The following CSGALNACT1 variants were observed in gnomAD, a reference collection of about 807,000 sequenced individuals.
CSGALNACT1 encodes the protein beta4GalNAcT-1.
A neutral mutation model predicts 51.0 loss-of-function variants in CSGALNACT1; 52 were observed. That is an observed-to-expected ratio of 1.02 (90% CI 0.82 to 1.29). The LOEUF (loss-of-function observed/expected upper bound fraction) is 1.29, where lower values mean the gene tolerates loss of function less well. CSGALNACT1 is among the 50% of genes most tolerant of loss of function. The probability of loss-of-function intolerance (pLI) is 0.00; values close to 1 mark genes in which losing one functional copy is unlikely to be tolerated. For missense variants in CSGALNACT1, 935 were observed against 679.2 expected (o/e 1.38, Z -4.19); for synonymous variants, 341 against 254.4 (o/e 1.34, Z -3.24).
At chr8:19,431,405 T>G (rs1174766816) in intron 6 of CSGALNACT1, among the ~76,000 whole-genome samples, 3 of 152,164 alleles carry the variant, frequency 2.0e-5, no homozygotes, top group Non-Finnish European at 2.9e-5. Flanking sequence ...ATGCTTTTCC[T>G]ATGCATATTG....
chr8:19,430,112 C>A (rs1263632592), intron 6 of CSGALNACT1, among the ~76,000 whole-genome samples: 1 of 151,986 alleles, frequency 6.6e-6, no homozygotes, highest in African/African-American at 2.4e-5. Flanking sequence ...GAATATAGAC[C>A]CTTATCAGAT....
intron 3 of CSGALNACT1, among the ~76,000 whole-genome samples, chr8:19,510,846 A>T (rs1476760292): frequency 6.6e-6 from 1 of 152,240 alleles, no homozygotes; most frequent in East Asian, 1.9e-4. Flanking sequence ...AGGTAAAACA[A>T]AGGCAGGTCA....
chr8:19,457,068 G>C (rs1201920726), intron 5 of CSGALNACT1, among the ~76,000 whole-genome samples: 1 of 152,170 alleles, frequency 6.6e-6, no homozygotes, highest in Non-Finnish European at 1.5e-5. Context: ...TAGTAATGTA[G>C]GCAGCTTCCT....
intron 1 of CSGALNACT1, among the ~76,000 whole-genome samples, chr8:19,694,579 T>C (rs2061492943): frequency 6.6e-6 from 1 of 152,256 alleles, no homozygotes; most frequent in Non-Finnish European, 1.5e-5. Flanking sequence ...ACTATATTTA[T>C]AGGTGTTGCA....
chr8:19,501,511 T>C (rs1431305707), intron 4 of CSGALNACT1, among the ~76,000 whole-genome samples: 2 of 152,100 alleles, frequency 1.3e-5, no homozygotes, highest in African/African-American at 2.4e-5. Flanking sequence ...AAATCAAGCC[T>C]TTTGCATCTG....
chr8:19,665,368 A>G (rs562037283), intron 1 of CSGALNACT1, among the ~76,000 whole-genome samples: 126 of 152,348 alleles, frequency 8.3e-4, no homozygotes, highest in African/African-American at 2.9e-3. Flanking sequence ...TGGGCTTCCA[A>G]CACAGTATTT....
chr8:19,735,277 A>T (rs374307798), intron 1 of CSGALNACT1, among the ~76,000 whole-genome samples: 8 of 152,212 alleles, frequency 5.3e-5, no homozygotes, highest in Admixed American at 3.3e-4. Context: ...TGAAATTGGC[A>T]CTCTGGGGCC....
rs76749079 is a variant in CSGALNACT1 at position 19,622,996 on chromosome 8, G to A, written c.-543-21131C>T. ...GTTGATAGGTACTGCAAACCACCCT[G>A]GCACATGTATACGTAGGTAACAAAC... On this transcript the variant is annotated intron_variant, in intron 1 of 9. Coordinates refer to the CSGALNACT1 transcript ENST00000332246. Among the ~76,000 whole-genome samples, 4 of 152,218 alleles carry A rather than the reference G, an allele frequency of 2.6e-5. No homozygotes were observed. The East Asian group carries it at 7.7e-4, about 29-fold the overall frequency.
At chr8:19,595,592 T>G (rs1012200686) in intron 2 of CSGALNACT1, among the ~76,000 whole-genome samples, 1 of 152,108 alleles carries the variant, frequency 6.6e-6, no homozygotes, top group Admixed American at 6.5e-5. Flanking sequence ...TCTGGGGGAC[T>G]TGACTATATG....
At chr8:19,405,425 T>G (rs1415772183) in exon 10 of CSGALNACT1, 5 of 475,576 alleles carry the variant, frequency 1.1e-5, no homozygotes, top group Non-Finnish European at 2.1e-5. Flanking sequence ...TGCTAATGAA[T>G]TTTTTACAAA....
chr8:19,418,869 G>C (rs1240701968), intron 7 of CSGALNACT1, 119 bp from the exon 7 acceptor site: 2 of 733,958 alleles, frequency 2.7e-6, no homozygotes, highest in Admixed American at 2.0e-5. Context: ...TTTTCTTTGA[G>C]AGGCAGTCTC....
intron 8 of CSGALNACT1, among the ~76,000 whole-genome samples, chr8:19,414,600 C>CAG (rs2056520301): frequency 6.6e-6 from 1 of 151,750 alleles, no homozygotes; most frequent in Admixed American, 6.6e-5. Context: ...CACATACACA[C>CAG]ACACACACAC....
chr8:19,590,680 C>T (rs1364326010), intron 3 of CSGALNACT1, among the ~76,000 whole-genome samples: 7 of 116,148 alleles, frequency 6.0e-5, no homozygotes, highest in South Asian at 2.9e-4. Context: ...GATGGAGTCT[C>T]GCTCTGTCGC....
chr8:19,532,358 G>T (rs62493891), intron 3 of CSGALNACT1, among the ~76,000 whole-genome samples: 2 of 151,898 alleles, frequency 1.3e-5, no homozygotes, highest in East Asian at 3.9e-4. Flanking sequence ...AACAATTAGG[G>T]GTGACTGGGG....
intron 1 of CSGALNACT1, among the ~76,000 whole-genome samples, chr8:19,710,720 T>C (rs899207224): frequency 1.3e-5 from 2 of 152,182 alleles, no homozygotes; most frequent in Non-Finnish European, 2.9e-5. Context: ...ATGTGTGAAA[T>C]TGAGTAGAAA....
intron 1 of CSGALNACT1, among the ~76,000 whole-genome samples, chr8:19,612,236 A>G (rs954349696): frequency 6.6e-6 from 1 of 152,050 alleles, no homozygotes; most frequent in Non-Finnish European, 1.5e-5. Context: ...CTAGCTACTC[A>G]GGTGCCTGAG....
chr8:19,646,349 T>C (rs2057280712), intron 1 of CSGALNACT1, among the ~76,000 whole-genome samples: 1 of 152,194 alleles, frequency 6.6e-6, no homozygotes, highest in Admixed American at 6.5e-5. Context: ...TGCTGATCAC[T>C]GAAAAGTTAA....
intron 5 of CSGALNACT1, among the ~76,000 whole-genome samples, chr8:19,454,408 C>T (rs1310552439): frequency 6.6e-5 from 10 of 152,324 alleles, no homozygotes; most frequent in African/African-American, 2.2e-4. Context: ...ACGTGGCTGA[C>T]GCCTGTAATC....
At chr8:19,702,943 A>T (rs538327645) in intron 1 of CSGALNACT1, among the ~76,000 whole-genome samples, 12 of 150,124 alleles carry the variant, frequency 8.0e-5, no homozygotes, top group Middle Eastern at 3.4e-3. Context: ...CTTCCCCTAC[A>T]CCCCTCTTAG....
Sources: allele counts gnomAD v4.1 joint callset (sites outside exome capture counted in the v4.1 genomes callset), GRCh38; gene constraint gnomAD v4.1.1; transcripts MANE v1.5; gene names NCBI Gene and HGNC (gene_info 2026-07-23, HGNC 2026-07-21).